SCML4: variants seen among roughly 807,000 people sequenced by gnomAD.
SCML4 encodes the protein sex comb on midleg-like protein 4.
SCML4 carries 34 observed loss-of-function variants against 41.1 expected under a neutral mutation model. That is an observed-to-expected ratio of 0.83 (90% confidence interval 0.63 to 1.10). SCML4 has a LOEUF of 1.10. SCML4 is among the 50% of genes least tolerant of loss of function. The pLI is 0.00. For synonymous variants in SCML4, 214 were observed against 220.9 expected (o/e 0.97, Z 0.28); for missense variants, 522 against 534.1 (o/e 0.98, Z 0.22).
At chr6:107,720,641 G>T (rs781426936) in intron 6 of SCML4, 62 bp downstream of exon 6, 2 of 1,457,334 alleles carry the variant, frequency 1.4e-6, no homozygotes, top group Admixed American at 2.5e-5. Flanking sequence ...CAGATGCTGT[G>T]CTCCCCGCGC....
rs554219720 is a variant in SCML4 at position 107,804,708 on chromosome 6, G to A, written c.-60+19418C>T. 7.2e-5 allele frequency among the ~76,000 whole-genome samples: 11 copies of A among 152,198 alleles called. No individual in the cohort carries two copies. The South Asian group carries it at 2.3e-3, about 32-fold the overall frequency. ...GATAAAGTGTGGCAGCCAGAGCTGG[G>A]CTCACACCTGTAAACCCAGCACAAC... On this transcript the variant is annotated intron_variant, in intron 1 of 7. Transcript: ENST00000369020.
intron 1 of SCML4, among the ~76,000 whole-genome samples, chr6:107,773,255 A>G (rs1033931843): frequency 6.6e-6 from 1 of 152,166 alleles, no homozygotes; most frequent in African/African-American, 2.4e-5. Flanking sequence ...CAGATACCAC[A>G]CACACTACAA....
chr6:107,723,546 T>C (rs769571490), intron 5 of SCML4, among the ~76,000 whole-genome samples: 3 of 152,198 alleles, frequency 2.0e-5, no homozygotes, highest in Non-Finnish European at 4.4e-5. Context: ...AACAGTTGTA[T>C]GCCAGTAAAT....
At chr6:107,837,318 T>C in the SCML4 span, among the ~76,000 whole-genome samples, 2 of 152,014 alleles carry the variant, frequency 1.3e-5, no homozygotes. Flanking sequence ...AACAAGGGAG[T>C]AGCCTTACAA....
Position 107,778,382 on chromosome 6 carries a change from T to A in SCML4, c.-59-5996A>T, listed in dbSNP as rs999252249. ...CAGTTCAGGTCAGATTTGAAAGCCATCTTGAAGCACAGTGCTTTAGTAGTC... is the reference window on the plus strand; with the variant it reads ...CAGTTCAGGTCAGATTTGAAAGCCAACTTGAAGCACAGTGCTTTAGTAGTC... On this transcript the variant is annotated intron_variant, in intron 1 of 7. Coordinates refer to ENST00000369020, the MANE Select transcript of SCML4 (RefSeq NM_198081.5). Among the ~76,000 whole-genome samples the A allele has an allele frequency of 2.6e-5, 4 of 151,172 alleles. No individual in the cohort carries two copies. In the East Asian group the frequency reaches 7.7e-4, roughly 29 times the overall value.
chr6:107,762,647 G>A (rs975432545), intron 2 of SCML4, among the ~76,000 whole-genome samples: 1 of 152,112 alleles, frequency 6.6e-6, no homozygotes, highest in African/African-American at 2.4e-5. Context: ...GGAAGATGAT[G>A]GGAAGACATG....
chr6:107,745,301 TG>T, intron 4 of SCML4, 158 bp from the exon 5 acceptor site: 1 of 602,358 alleles, frequency 1.7e-6, no homozygotes, highest in Non-Finnish European at 2.9e-6. Context: ...CTGTTTCTGG[TG>T]GGGATCCCAC....
intron 1 of SCML4, among the ~76,000 whole-genome samples, chr6:107,793,477 G>C (rs1316497960): frequency 6.6e-6 from 1 of 152,176 alleles, no homozygotes; most frequent in Non-Finnish European, 1.5e-5. Context: ...AGGACCTGTT[G>C]GTTCATTCTC....
chr6:107,816,910 A>T (rs1466115964), intron 1 of SCML4, among the ~76,000 whole-genome samples: 1 of 152,180 alleles, frequency 6.6e-6, no homozygotes, highest in Admixed American at 6.5e-5. Context: ...CTCTGTTTTA[A>T]ATCTGCACTC....
At chr6:107,818,959 C>A (rs988107756) in intron 1 of SCML4, among the ~76,000 whole-genome samples, 1 of 152,172 alleles carries the variant, frequency 6.6e-6, no homozygotes, top group African/African-American at 2.4e-5. Flanking sequence ...CTCATCAGAG[C>A]AATGATGTCC....
In SCML4 at chr6:107,821,760, C is replaced by T. The variant is rs184747473; in HGVS notation, c.-60+2366G>A. Among the ~76,000 whole-genome samples, 1,296 of 152,220 alleles carry T rather than the reference C, an allele frequency of 8.5e-3. 9 individuals are homozygous for T. The highest frequency in any genetic ancestry group is 0.013 in the Non-Finnish European group (851 of 67,992). ...TCTACCCATGTGATATTGAGGTTTC[C>T]GAGGGCAGGGACTTGGGGAGGAAAA... On this transcript the variant is annotated intron_variant, in intron 1 of 7. Coordinates refer to ENST00000369020, the MANE Select transcript of SCML4 (RefSeq NM_198081.5).
the SCML4 span, among the ~76,000 whole-genome samples, chr6:107,845,900 G>A: frequency 3.3e-5 from 5 of 152,188 alleles, no homozygotes; most frequent in African/African-American, 7.2e-5. Flanking sequence ...GGTGCCACAC[G>A]TGTTGGGCAA....
At chr6:107,775,130 A>T (rs1258338017) in intron 1 of SCML4, among the ~76,000 whole-genome samples, 1 of 152,234 alleles carries the variant, frequency 6.6e-6, no homozygotes, top group Non-Finnish European at 1.5e-5. Flanking sequence ...CTTCAGCACC[A>T]TCAGCCAGAA....
chr6:107,772,381 G>A lies in SCML4; in HGVS notation c.-54C>T. ...GGTGACAAATCGCTCACAGGCAGAA[G>A]AGGTGCTAAGAATTAGTCCAGACAC... On this transcript the variant is annotated 5_prime_UTR_variant, in exon 2 of 8. Transcript: ENST00000369020. The A allele has an allele frequency of 6.7e-7, 1 of 1,485,356 alleles. No individual in the cohort carries two copies. Among genetic ancestry groups the A allele is most frequent in the Non-Finnish European group, 9.0e-7 (1 of 1,106,622 alleles). The allele number at this position is 1,485,356 out of a possible 1,614,324, so 92.0% of individuals were successfully genotyped here. A position where few individuals can be genotyped will look rare whatever the true frequency, so the allele number is the denominator to read the frequency against.
At chr6:107,819,682 A>T (rs1329889861) in intron 1 of SCML4, among the ~76,000 whole-genome samples, 1 of 134,248 alleles carries the variant, frequency 7.4e-6, no homozygotes, top group Non-Finnish European at 1.6e-5. Context: ...AAAAAAAAAA[A>T]AAAGCACATC....
At chr6:107,726,262 G>A (rs1256611955) in intron 5 of SCML4, among the ~76,000 whole-genome samples, 6 of 151,926 alleles carry the variant, frequency 3.9e-5, no homozygotes, top group Non-Finnish European at 7.4e-5. Flanking sequence ...GGCTGGGCGC[G>A]GTGGCTCACG....
At chr6:107,819,242 T>G (rs1166297553) in intron 1 of SCML4, among the ~76,000 whole-genome samples, 8 of 46,886 alleles carry the variant, frequency 1.7e-4, no homozygotes, top group African/African-American at 3.7e-4. Flanking sequence ...CCCAGCCAAG[T>G]TGAGTATTCA....
intron 6 of SCML4, among the ~76,000 whole-genome samples, chr6:107,715,467 GT>G (rs1375682459): frequency 1.3e-5 from 2 of 151,444 alleles, no homozygotes; most frequent in African/African-American, 4.9e-5. Flanking sequence ...GATTGACTTC[GT>G]TTCTTGATTC....
intron 1 of SCML4, among the ~76,000 whole-genome samples, chr6:107,791,949 G>A (rs1408722439): frequency 6.6e-5 from 10 of 152,056 alleles, no homozygotes; most frequent in Admixed American, 6.6e-4. Flanking sequence ...GTGACAGAGT[G>A]AGACCCCGTC....
Sources: gnomAD v4.1 joint callset for allele counts (sites outside exome capture counted in the v4.1 genomes callset) on GRCh38, gnomAD v4.1.1 for gene constraint, MANE v1.5 for transcripts, NCBI Gene and HGNC (gene_info 2026-07-23, HGNC 2026-07-21) for gene names.